Variants in DOK6 observed in about 807,000 individuals in gnomAD.
DOK6 encodes the protein downstream of tyrosine kinase 6.
DOK6 carries 22 observed loss-of-function variants against 44.0 expected under a neutral mutation model. The observed-to-expected ratio is 0.50, with a 90% CI of 0.36 to 0.71. The LOEUF is 0.71. DOK6 is among the 30% of genes least tolerant of loss of function. The probability of loss-of-function intolerance (pLI) is 0.00; values close to 1 mark genes in which losing one functional copy is unlikely to be tolerated. For missense variants in DOK6, 340 were observed against 416.4 expected (o/e 0.82, Z 1.60); for synonymous variants, 166 against 145.5 (o/e 1.14, Z -1.01).
chr18:69,783,208 G>A (rs966022728), intron 7 of DOK6, among the ~76,000 whole-genome samples: 4 of 152,304 alleles, frequency 2.6e-5, no homozygotes, highest in East Asian at 3.9e-4. Flanking sequence ...ACACGACAGC[G>A]AAGCCAACAC....
chr18:69,798,313 G>A (rs1980807073), intron 7 of DOK6, among the ~76,000 whole-genome samples: 1 of 152,100 alleles, frequency 6.6e-6, no homozygotes, highest in South Asian at 2.1e-4. Context: ...TGGACCTATT[G>A]AAGGGCTTCT....
chr18:69,483,471 C>G (rs1980487441), intron 1 of DOK6, among the ~76,000 whole-genome samples: 1 of 151,988 alleles, frequency 6.6e-6, no homozygotes, highest in Non-Finnish European at 1.5e-5. Flanking sequence ...AAGACTCATT[C>G]TCTTGACTCT....
chr18:69,509,563 G>A (rs564407271), intron 1 of DOK6, among the ~76,000 whole-genome samples: 12 of 150,984 alleles, frequency 7.9e-5, no homozygotes, highest in South Asian at 2.1e-4. Flanking sequence ...GCGTGAACCC[G>A]GGAGGTGGAG....
intron 1 of DOK6, among the ~76,000 whole-genome samples, chr18:69,512,332 C>CTTTT (rs548031851): frequency 1.9e-4 from 17 of 91,676 alleles, no homozygotes; most frequent in East Asian, 7.3e-4. Context: ...CTTTCTTCTT[C>CTTTT]TTTTTTTTTT....
rs139810702 is a variant in DOK6 at position 69,679,873 on chromosome 18, T to C, written c.409+2020T>C. Among the ~76,000 whole-genome samples the C allele has an allele frequency of 7.0e-4, 106 of 152,178 alleles. 1 individual carries two copies. Among genetic ancestry groups the C allele is most frequent in the African/African-American group, 2.5e-3 (104 of 41,512 alleles). ...AGAGAAATTTTTAATATAGGTTTAT[T>C]TTAGAATAGGACAAACAGAATAAAG... is the stretch of plus-strand genomic sequence containing the variant. On this transcript the variant is annotated intron_variant, in intron 4 of 7. Coordinates refer to ENST00000382713, the MANE Select transcript of DOK6 (RefSeq NM_152721.6).
At chr18:69,444,752 T>C (rs2122447538) in intron 1 of DOK6, among the ~76,000 whole-genome samples, 1 of 151,842 alleles carries the variant, frequency 6.6e-6, no homozygotes, top group South Asian at 2.1e-4. Flanking sequence ...CAAGAAATTC[T>C]CCTGCCTCAG....
intron 1 of DOK6, among the ~76,000 whole-genome samples, chr18:69,554,898 T>C (rs995524660): frequency 5.9e-5 from 9 of 152,218 alleles, no homozygotes; most frequent in African/African-American, 9.6e-5. Context: ...TTGAGCATTT[T>C]GTATAAGCCT....
intron 1 of DOK6, among the ~76,000 whole-genome samples, chr18:69,416,840 T>C (rs1413428384): frequency 6.6e-6 from 1 of 152,220 alleles, no homozygotes; most frequent in African/African-American, 2.4e-5. Flanking sequence ...ATCCTGGCAC[T>C]GTTTCAATGT....
At chr18:69,612,888 T>G (rs1016307359) in intron 3 of DOK6, among the ~76,000 whole-genome samples, 5 of 151,972 alleles carry the variant, frequency 3.3e-5, no homozygotes, top group Non-Finnish European at 7.4e-5. Context: ...TCTTTCTTTT[T>G]TTTTGCCTTT....
At chr18:69,446,534 T>A (rs1009537120) in intron 1 of DOK6, among the ~76,000 whole-genome samples, 1 of 152,152 alleles carries the variant, frequency 6.6e-6, no homozygotes, top group African/African-American at 2.4e-5. Context: ...CATGTGTCTT[T>A]ATAGCAGCAT....
chr18:69,628,728 T>C (rs1451787808), intron 3 of DOK6, among the ~76,000 whole-genome samples: 2 of 152,188 alleles, frequency 1.3e-5, no homozygotes, highest in South Asian at 2.1e-4. Flanking sequence ...TCTGAGCGTA[T>C]CTCTAAACTG....
chr18:69,678,565 T>C (rs1284821356), intron 4 of DOK6, among the ~76,000 whole-genome samples: 1 of 152,186 alleles, frequency 6.6e-6, no homozygotes, highest in African/African-American at 2.4e-5. Context: ...GAGTAAAATC[T>C]CAGGGTTTCA....
At chr18:69,413,056 G>C (rs1322351613) in intron 1 of DOK6, among the ~76,000 whole-genome samples, 1 of 152,116 alleles carries the variant, frequency 6.6e-6, no homozygotes, top group African/African-American at 2.4e-5. Context: ...AATAACTTTA[G>C]AGAATATTTA....
chr18:69,736,350 G>A (rs1433501462), intron 5 of DOK6, among the ~76,000 whole-genome samples: 1 of 152,046 alleles, frequency 6.6e-6, no homozygotes, highest in Non-Finnish European at 1.5e-5. Flanking sequence ...CTGGAAACAA[G>A]TGTCCCAGTT....
chr18:69,560,850 A>G (rs1982812846), intron 1 of DOK6, among the ~76,000 whole-genome samples: 1 of 152,190 alleles, frequency 6.6e-6, no homozygotes, highest in Non-Finnish European at 1.5e-5. Context: ...ATGTGGCTCC[A>G]GCAAGGGCTG....
chr18:69,829,148 T>A (rs1403646418), intron 7 of DOK6, among the ~76,000 whole-genome samples: 1 of 145,280 alleles, frequency 6.9e-6, no homozygotes, highest in East Asian at 2.0e-4. Flanking sequence ...AGAACAGAGG[T>A]GGAAAAGAGG....
At chr18:69,706,669 TC>T (rs1211068976) in intron 5 of DOK6, among the ~76,000 whole-genome samples, 17 of 38,922 alleles carry the variant, frequency 4.4e-4, no homozygotes, top group African/African-American at 1.5e-3. Flanking sequence ...ATGCTATCCC[TC>T]CCCCCCTCCC....
intron 4 of DOK6, among the ~76,000 whole-genome samples, chr18:69,693,992 G>C (rs1270524567): frequency 6.8e-6 from 1 of 146,662 alleles, no homozygotes; most frequent in African/African-American, 2.5e-5. Context: ...CCGGGAGGCG[G>C]AGCTTGCAGC....
rs117315680 is a variant in DOK6, at chr18:69,427,108, T to C, written c.66+25798T>C. Among the ~76,000 whole-genome samples, 1,068 of 152,290 alleles carry C rather than the reference T, an allele frequency of 7.0e-3. 8 individuals carry two copies. Among genetic ancestry groups the C allele is most frequent in the Non-Finnish European group, 0.011 (768 of 68,022 alleles). On this transcript the variant is annotated intron_variant, in intron 1 of 7. Transcript: ENST00000382713. ...AGAACATATGGTATTTGGTTATATG[T>C]TCCTGTGTTAGTTTGCTAAGGATCA... is the stretch of plus-strand genomic sequence containing the variant.
Sources: gnomAD v4.1 joint callset for allele counts (sites outside exome capture counted in the v4.1 genomes callset) on GRCh38, gnomAD v4.1.1 for gene constraint, MANE v1.5 for transcripts, NCBI Gene and HGNC (gene_info 2026-07-23, HGNC 2026-07-21) for gene names.